Variants in KCNQ5 observed in about 807,000 individuals in gnomAD.
KCNQ5 encodes the protein potassium voltage-gated channel subfamily Q member 5.
Under a neutral mutation model 98.2 loss-of-function variants are expected in KCNQ5, and 30 were observed. The observed-to-expected ratio is 0.31, with a 90% CI of 0.23 to 0.41. The LOEUF is 0.41. Ranked by LOEUF, KCNQ5 falls within the 10% of genes least tolerant of loss-of-function variation. The probability of loss-of-function intolerance (pLI) is 1.00; values close to 1 mark genes in which losing one functional copy is unlikely to be tolerated. For missense variants in KCNQ5, 835 were observed against 1,182.5 expected (o/e 0.71, Z 4.31); for synonymous variants, 458 against 449.4 (o/e 1.02, Z -0.24).
At chr6:72,716,240 G>T (rs550821909) in intron 1 of KCNQ5, among the ~76,000 whole-genome samples, 127 of 152,286 alleles carry the variant, frequency 8.3e-4, no homozygotes, top group Middle Eastern at 3.4e-3. Flanking sequence ...AATTGATTCT[G>T]AAATATTTAA....
At chr6:72,843,539 T>A (rs1460804199) in intron 1 of KCNQ5, among the ~76,000 whole-genome samples, 2 of 152,190 alleles carry the variant, frequency 1.3e-5, no homozygotes, top group Non-Finnish European at 2.9e-5. Context: ...GGTAGCTTGA[T>A]GGGGATAGCA....
intron 2 of KCNQ5, among the ~76,000 whole-genome samples, chr6:73,035,162 T>C (rs562946082): frequency 1.3e-5 from 2 of 152,360 alleles, no homozygotes; most frequent in South Asian, 2.1e-4. Flanking sequence ...CCTCTTAGGC[T>C]TCTTAATTTC....
At chr6:73,161,495 A>G (rs1306308018) in intron 10 of KCNQ5, among the ~76,000 whole-genome samples, 1 of 152,240 alleles carries the variant, frequency 6.6e-6, no homozygotes, top group Non-Finnish European at 1.5e-5. Context: ...CATAAAGAAA[A>G]GACAGATATT....
intron 1 of KCNQ5, among the ~76,000 whole-genome samples, chr6:72,641,530 A>T (rs1351509988): frequency 6.6e-6 from 1 of 151,548 alleles, no homozygotes; most frequent in Non-Finnish European, 1.5e-5. Flanking sequence ...TTTGACCCTA[A>T]CTCTTGAAAA....
intron 3 of KCNQ5, among the ~76,000 whole-genome samples, chr6:73,064,013 A>G (rs962179709): frequency 2.0e-5 from 3 of 152,160 alleles, no homozygotes; most frequent in Non-Finnish European, 4.4e-5. Flanking sequence ...AGCCAGGTGA[A>G]CCAGGTAATT....
chr6:72,668,012 T>A (rs12195259), intron 1 of KCNQ5, among the ~76,000 whole-genome samples: 26,648 of 152,142 alleles, frequency 0.18, 2,481 homozygotes, highest in Middle Eastern at 0.28. Flanking sequence ...GAATAAGGAC[T>A]TTATTGAAAA....
chr6:72,681,295 G>T lies in KCNQ5; in HGVS notation c.398+58708G>T, dbSNP rs115698254. 5.9e-3 allele frequency among the ~76,000 whole-genome samples: 891 copies of T among 152,270 alleles called. 8 individuals carry two copies. Among genetic ancestry groups the T allele is most frequent in the African/African-American group, 0.02 (851 of 41,548 alleles). ...CTATTATGATAACAATAACAATGAT[G>T]ATAAGAGATAATAATAGCTTTTATT... On this transcript the variant is annotated intron_variant, in intron 1 of 13. Transcript: ENST00000370398.
intron 1 of KCNQ5, among the ~76,000 whole-genome samples, chr6:72,784,586 C>G (rs1773642578): frequency 6.6e-6 from 1 of 152,164 alleles, no homozygotes; most frequent in South Asian, 2.1e-4. Flanking sequence ...CAGGGTCTTG[C>G]AGGACTGGGG....
chr6:73,073,377 C>A (rs1338383142), intron 3 of KCNQ5, among the ~76,000 whole-genome samples: 1 of 152,142 alleles, frequency 6.6e-6, no homozygotes, highest in Non-Finnish European at 1.5e-5. Flanking sequence ...ACATTTGGGG[C>A]TGAGTCATTC....
At chr6:73,043,139 G>T (rs1771792448) in intron 3 of KCNQ5, 1 of 453,342 alleles carries the variant, frequency 2.2e-6, no homozygotes, top group Admixed American at 2.4e-5. Context: ...GGGCAGAGTG[G>T]ATTTAAGGAA....
intron 1 of KCNQ5, among the ~76,000 whole-genome samples, chr6:72,636,346 G>A (rs781093447): frequency 4.6e-5 from 7 of 152,072 alleles, no homozygotes; most frequent in African/African-American, 7.2e-5. Flanking sequence ...TACTTTTTCT[G>A]TTTTATTGAG....
chr6:72,659,908 T>G (rs1319380179), intron 1 of KCNQ5, among the ~76,000 whole-genome samples: 1 of 152,208 alleles, frequency 6.6e-6, no homozygotes, highest in Non-Finnish European at 1.5e-5. Flanking sequence ...AAATAATCCT[T>G]CATGATATCT....
At chr6:73,138,044 G>A (rs1415550532) in intron 10 of KCNQ5, among the ~76,000 whole-genome samples, 1 of 152,136 alleles carries the variant, frequency 6.6e-6, no homozygotes. Flanking sequence ...AAGGCAGCCA[G>A]AGCTAGAAGA....
At position 73,063,693 on chromosome 6, in the gene KCNQ5, TAGATA is replaced by T. The variant is rs758114475; in HGVS notation, c.617-13628_617-13624del. Among the ~76,000 whole-genome samples, 24 of 63,122 alleles carry T rather than the reference TAGATA, an allele frequency of 3.8e-4. No individual in the cohort carries two copies. The South Asian group carries it at 4.1e-3, about 11-fold the overall frequency. The allele number at this position is 63,122 out of a possible 152,430, so 41.4% of individuals were successfully genotyped here. On this transcript the variant is annotated intron_variant, in intron 3 of 13. Transcript: ENST00000370398. The stretch of plus-strand genomic sequence containing the variant: ...GATAGATAGATAGATAGATGATAGA[TAGATA>T]GATAGATAGATAGATAGATAGATGA...
intron 8 of KCNQ5, among the ~76,000 whole-genome samples, chr6:73,121,636 C>G (rs567109421): frequency 6.6e-6 from 1 of 152,290 alleles, no homozygotes; most frequent in South Asian, 2.1e-4. Context: ...GGACACCTAA[C>G]TACTGTGACT....
At chr6:72,928,042 A>G (rs1582032491) in intron 1 of KCNQ5, among the ~76,000 whole-genome samples, 1 of 152,222 alleles carries the variant, frequency 6.6e-6, no homozygotes, top group Non-Finnish European at 1.5e-5. Context: ...TTACATGCTA[A>G]GAAATGTGTA....
chr6:72,709,290 C>A (rs1769242208), intron 1 of KCNQ5, among the ~76,000 whole-genome samples: 1 of 152,078 alleles, frequency 6.6e-6, no homozygotes, highest in Non-Finnish European at 1.5e-5. Flanking sequence ...TATTTCAATC[C>A]ATACAAAACA....
intron 1 of KCNQ5, among the ~76,000 whole-genome samples, chr6:73,002,288 G>A (rs1311609970): frequency 2.6e-5 from 4 of 152,016 alleles, no homozygotes; most frequent in Admixed American, 1.3e-4. Context: ...TTCCTGAGCC[G>A]AGAATACCAC....
At chr6:73,132,222 G>T (rs1476885610) in intron 9 of KCNQ5, among the ~76,000 whole-genome samples, 1 of 152,060 alleles carries the variant, frequency 6.6e-6, no homozygotes, top group African/African-American at 2.4e-5. Context: ...CCATGAGAAC[G>T]CTGCTTTCAT....
Sources: gnomAD v4.1 joint callset for allele counts (sites outside exome capture counted in the v4.1 genomes callset) on GRCh38, gnomAD v4.1.1 for gene constraint, MANE v1.5 for transcripts, NCBI Gene and HGNC (gene_info 2026-07-23, HGNC 2026-07-21) for gene names.